The following TFAP2B variants were observed in gnomAD, a reference collection of about 807,000 sequenced individuals.
TFAP2B encodes the protein transcription factor AP-2-beta.
Under a neutral mutation model 44.3 loss-of-function variants are expected in TFAP2B, and 9 were observed. The observed-to-expected ratio is 0.20, with a 90% CI of 0.12 to 0.35. The LOEUF is 0.35. Ranked by LOEUF, TFAP2B falls within the 10% of genes least tolerant of loss-of-function variation. The probability of loss-of-function intolerance (pLI) is 1.00; values close to 1 mark genes in which losing one functional copy is unlikely to be tolerated. For synonymous variants in TFAP2B, 270 were observed against 263.8 expected (o/e 1.02, Z -0.23); for missense variants, 509 against 600.0 (o/e 0.85, Z 1.59).
Position 50,823,280 on chromosome 6 carries a change from C to T in TFAP2B, c.82-127C>T, listed in dbSNP as rs1770405980. The T allele has an allele frequency of 2.4e-6, 2 of 849,970 alleles. 1 individual carries two copies. The highest frequency in any genetic ancestry group is 2.9e-5 in the South Asian group (2 of 69,038). 52.7% of individuals were successfully genotyped at this position (849,970 alleles called of 1,614,324 possible). A position where few individuals can be genotyped will look rare whatever the true frequency, so the allele number is the denominator to read the frequency against. Reference sequence around the variant, plus strand: ...TTGTCCCGGGAAGAGCGTACAAAAGCCGGGCTTCTCCATTTGTCACTTGTA... The same window carrying T: ...TTGTCCCGGGAAGAGCGTACAAAAGTCGGGCTTCTCCATTTGTCACTTGTA... On this transcript the variant is annotated intron_variant, in intron 1 of 6. Transcript: ENST00000393655.
At chr6:50,824,611 C>A (rs926097544) in intron 2 of TFAP2B, among the ~76,000 whole-genome samples, 1 of 152,178 alleles carries the variant, frequency 6.6e-6, no homozygotes, top group Non-Finnish European at 1.5e-5. Flanking sequence ...TCTCCACCTC[C>A]CTCTCCTGGC....
chr6:50,823,919 T>A, intron 2 of TFAP2B, 54 bp downstream of exon 2: 2 of 1,525,572 alleles, frequency 1.3e-6, no homozygotes, highest in Non-Finnish European at 1.8e-6. Context: ...TAAGGAATGC[T>A]TCTGGAGGGG....
chr6:50,822,109 G>C, intron 1 of TFAP2B: 4 of 1,302,402 alleles, frequency 3.1e-6, no homozygotes, highest in Non-Finnish European at 4.0e-6. Context: ...TTGATTTTGA[G>C]CAGTAACCAG....
Position 50,847,076 on chromosome 6 carries a change from G to A in TFAP2B, c.*3684G>A, listed in dbSNP as rs1762864969. ...AATTTGTCATCACATCTGATATCCT[G>A]TACTTGTAATACATTATGTGGAAAG... On this transcript the variant is annotated 3_prime_UTR_variant, in exon 7 of 7. Transcript: ENST00000393655. The A allele has an allele frequency of 6.6e-6, 1 of 152,470 alleles. No individual in the cohort carries two copies. The highest frequency in any genetic ancestry group is 2.4e-5 in the African/African-American group (1 of 41,370). The allele number at this position is 152,470 out of a possible 1,614,324, so 9.4% of individuals were successfully genotyped here.
At chr6:50,830,398 G>T (rs1561961777) in intron 3 of TFAP2B, 2 of 674,848 alleles carry the variant, frequency 3.0e-6, no homozygotes, top group Non-Finnish European at 3.7e-6. Flanking sequence ...GTATATGTTT[G>T]TCAGTGAAAT....
At chr6:50,825,843 C>A (rs940266842) in intron 2 of TFAP2B, among the ~76,000 whole-genome samples, 1 of 152,092 alleles carries the variant, frequency 6.6e-6, no homozygotes, top group African/African-American at 2.4e-5. Context: ...GGGAGGCCCA[C>A]GGGACCTTCT....
intron 2 of TFAP2B, among the ~76,000 whole-genome samples, chr6:50,827,613 A>T (rs1179571723): frequency 6.6e-6 from 1 of 152,194 alleles, no homozygotes; most frequent in East Asian, 1.9e-4. Context: ...ACTTCTCTAT[A>T]AAGTGGGTAA....
Position 50,843,568 on chromosome 6 carries a change from T to C in TFAP2B, c.*176T>C, listed in dbSNP as rs1762779862. 2 of 700,472 alleles carry C rather than the reference T, an allele frequency of 2.9e-6. No individual in the cohort carries two copies. The highest frequency in any genetic ancestry group is 2.3e-6 in the Non-Finnish European group (1 of 434,584). The allele number at this position is 700,472 out of a possible 1,614,324, so 43.4% of individuals were successfully genotyped here. On this transcript the variant is annotated 3_prime_UTR_variant, in exon 7 of 7. Coordinates refer to ENST00000393655, the MANE Select transcript of TFAP2B (RefSeq NM_003221.4). ...AATAACTTAAAAAAAAACTGAGGCG[T>C]ACAACGGAGCAACAATATCGGTTCT...
chr6:50,835,743 A>G (rs1762606882), intron 3 of TFAP2B, among the ~76,000 whole-genome samples: 1 of 152,210 alleles, frequency 6.6e-6, no homozygotes, highest in African/African-American at 2.4e-5. Context: ...TTAGCACACG[A>G]TGGAATAAGA....
rs2113952785 is a variant in TFAP2B, at chr6:50,838,065, T to C, written c.912T>C (p.Asn304=). The change falls in exon 5 of 7, where the codon AAT becomes AAC. Residue 304 remains asparagine, a synonymous_variant. Coordinates refer to ENST00000393655, the MANE Select transcript of TFAP2B (RefSeq NM_003221.4). Reference sequence around the variant, plus strand: ...CCGCGGGCAGGCGCAAAGCAGCAAATGTCACGTTACTCACCTCCCTGGTGG... The same window carrying C: ...CCGCGGGCAGGCGCAAAGCAGCAAACGTCACGTTACTCACCTCCCTGGTGG... ...NLPAGRRKAA[N]VTLLTSLVEG... The C allele has an allele frequency of 6.2e-7, 1 of 1,614,138 alleles. No individual in the cohort carries two copies. The highest frequency in any genetic ancestry group is 8.5e-7 in the Non-Finnish European group (1 of 1,180,010).
chr6:50,838,141 C>CAGCCTCCAGCCGACAGTTAA, intron 5 of TFAP2B, 48 bp downstream of exon 5: 3 of 1,357,362 alleles, frequency 2.2e-6, no homozygotes, highest in Non-Finnish European at 2.1e-6. Flanking sequence ...GCTTAACTGT[C>CAGCCTCCAGCCGACAGTTAA]GGCTGGAGGC....
rs775929294 is a variant in TFAP2B, at chr6:50,838,072, T to G, written c.919T>G (p.Leu307Val). 1.2e-6 allele frequency: 2 copies of G among 1,614,072 alleles called. No individual in the cohort carries two copies. Among genetic ancestry groups the G allele is most frequent in the East Asian group, 4.5e-5 (2 of 44,888 alleles). Reference sequence around the variant, plus strand: ...CAGGCGCAAAGCAGCAAATGTCACGTTACTCACCTCCCTGGTGGAAGGTAA... The same window carrying G: ...CAGGCGCAAAGCAGCAAATGTCACGGTACTCACCTCCCTGGTGGAAGGTAA... ...AGRRKAANVTLLTSLVEGEAV... is the reference protein window; with the variant it reads ...AGRRKAANVTVLTSLVEGEAV... Residue 307 changes from leucine (L) to valine (V), a missense_variant, in exon 5 of 7, where the codon TTA (leucine) becomes GTA (valine). Transcript: ENST00000393655.
chr6:50,819,149 G>T (rs1770252880), intron 1 of TFAP2B, among the ~76,000 whole-genome samples, 177 bp downstream of exon 1: 1 of 151,924 alleles, frequency 6.6e-6, no homozygotes, highest in Admixed American at 6.6e-5. Context: ...CTCTGAAAAG[G>T]GACTTTAAGG....
chr6:50,820,365 G>A (rs1770306142), intron 1 of TFAP2B, among the ~76,000 whole-genome samples: 1 of 151,278 alleles, frequency 6.6e-6, no homozygotes. Flanking sequence ...AGCGCCCACA[G>A]GCAGCGCCTG....
At chr6:50,842,956 A>G in intron 6 of TFAP2B, 136 bp from the exon 7 acceptor site, 1 of 1,232,058 alleles carries the variant, frequency 8.1e-7, no homozygotes, top group South Asian at 1.2e-5. Context: ...TGGGAAAGGA[A>G]ACAGAGCGGA....
chr6:50,821,505 C>A (rs549064099), intron 1 of TFAP2B, among the ~76,000 whole-genome samples: 1 of 152,318 alleles, frequency 6.6e-6, no homozygotes, highest in East Asian at 1.9e-4. Context: ...TTCTATACAA[C>A]CTCCCAGCAC....
rs116647870 is a variant in TFAP2B, at chr6:50,839,357, C to G, written c.941-799C>G. On this transcript the variant is annotated intron_variant, in intron 5 of 6. Coordinates refer to ENST00000393655, the MANE Select transcript of TFAP2B (RefSeq NM_003221.4). ...TAATGATTAAAAGTAAGTCATCCTC[C>G]TTAAAAATAATGTAGCTATGGGGTA... Among the ~76,000 whole-genome samples, 628 of 152,268 alleles carry G rather than the reference C, an allele frequency of 4.1e-3. 9 individuals carry two copies. Among genetic ancestry groups the G allele is most frequent in the African/African-American group, 0.014 (579 of 41,546 alleles).
chr6:50,828,512 T>C (rs1770587129), intron 2 of TFAP2B, 107 bp from the exon 3 acceptor site: 1 of 925,284 alleles, frequency 1.1e-6, no homozygotes, highest in South Asian at 1.5e-5. Flanking sequence ...CCTTTGTGAA[T>C]TAATATAAAT....
chr6:50,823,750 A>G lies in TFAP2B; in HGVS notation c.425A>G (p.His142Arg). 6.2e-7 allele frequency: 1 copy of G among 1,606,572 alleles called. No individual in the cohort carries two copies. The highest frequency in any genetic ancestry group is 8.5e-7 in the Non-Finnish European group (1 of 1,176,712). ...LSGLDPRRDY[H>R]SVRRPDVLLH... ...GGCCTTGACCCCCGGAGGGACTACC[A>G]CTCGGTCCGCCGGCCGGACGTGCTG... The change falls in exon 2 of 7, where the codon CAC (histidine) becomes CGC (arginine). Residue 142 changes from histidine to arginine, a missense_variant. By Grantham distance (29) the His-to-Arg change is conservative (BLOSUM62 0). This residue lies in a region of TFAP2B where 296 missense variants were observed against 308.2 expected (regional missense o/e 0.96). Coordinates refer to ENST00000393655, the MANE Select transcript of TFAP2B (RefSeq NM_003221.4).
Sources: allele counts gnomAD v4.1 joint callset (sites outside exome capture counted in the v4.1 genomes callset), GRCh38; gene constraint gnomAD v4.1.1; regional missense constraint gnomAD v4.1.1; transcripts MANE v1.5; gene names NCBI Gene and HGNC (gene_info 2026-07-23, HGNC 2026-07-21).